Variants in JAKMIP2 observed in about 807,000 individuals in gnomAD.
JAKMIP2 encodes janus kinase and microtubule interacting protein 2.
In JAKMIP2, 25 loss-of-function variants were observed where a neutral mutation model predicts 115.0. The observed-to-expected ratio is 0.22, with a 90% CI of 0.16 to 0.30. JAKMIP2 has a LOEUF of 0.30. JAKMIP2 is among the 10% of genes least tolerant of loss of function. The probability of loss-of-function intolerance (pLI) is 1.00; values close to 1 mark genes in which losing one functional copy is unlikely to be tolerated. For synonymous variants in JAKMIP2, 334 were observed against 343.6 expected (o/e 0.97, Z 0.31); for missense variants, 642 against 957.6 (o/e 0.67, Z 4.35).
chr5:147,702,423 G>GAGGA (rs1278076799), intron 1 of JAKMIP2, among the ~76,000 whole-genome samples: 11 of 128,252 alleles, frequency 8.6e-5, no homozygotes, highest in South Asian at 2.8e-4. Context: ...AAGAAAGAAA[G>GAGGA]AGGAAGGAAG....
intron 1 of JAKMIP2, among the ~76,000 whole-genome samples, chr5:147,700,421 A>T (rs1283451928): frequency 1.3e-5 from 2 of 151,782 alleles, no homozygotes; most frequent in Non-Finnish European, 2.9e-5. Flanking sequence ...AATAGTAGGA[A>T]CAAAAAGACA....
At chr5:147,757,952 T>A (rs1754805471) in intron 1 of JAKMIP2, among the ~76,000 whole-genome samples, 1 of 152,152 alleles carries the variant, frequency 6.6e-6, no homozygotes, top group Admixed American at 6.5e-5. Context: ...TTGATTAACC[T>A]GATTTTGACT....
intron 1 of JAKMIP2, among the ~76,000 whole-genome samples, chr5:147,766,663 A>G: frequency 6.6e-6 from 1 of 152,184 alleles, no homozygotes; most frequent in South Asian, 2.1e-4. Flanking sequence ...CAACAGCAGT[A>G]CATGCCCTGA....
At chr5:147,679,919 G>A (rs1395731842) in intron 1 of JAKMIP2, among the ~76,000 whole-genome samples, 2 of 152,138 alleles carry the variant, frequency 1.3e-5, no homozygotes, top group African/African-American at 2.4e-5. Context: ...CATACACTAG[G>A]AGAGTGTATG....
At position 147,605,591 on chromosome 5, in the gene JAKMIP2, C is replaced by T. The variant is rs1755966808; in HGVS notation, c.2413-3780G>A. Among the ~76,000 whole-genome samples the T allele has an allele frequency of 2.0e-5, 3 of 152,236 alleles. No individual in the cohort carries two copies. In the South Asian group the frequency reaches 6.2e-4, roughly 32 times the overall value. ...GTCTTTGTTATTGTGAATAGTGCTG[C>T]AATAAACATACGTGTGCATAGGTCT... On this transcript the variant is annotated intron_variant, in intron 20 of 21. Transcript: ENST00000616793.
In JAKMIP2 at chr5:147,707,906, C is replaced by T. The variant is rs192968671; in HGVS notation, c.-148-35952G>A. 4.3e-3 allele frequency among the ~76,000 whole-genome samples: 658 copies of T among 152,288 alleles called. 8 individuals carry two copies. Among genetic ancestry groups the T allele is most frequent in the Non-Finnish European group, 6.8e-3 (464 of 68,026 alleles). On this transcript the variant is annotated intron_variant, in intron 1 of 21. Transcript: ENST00000616793. ...AATATAAGTGTTTTGAGGCAGGCTA[C>T]ATCAACTTGTCTGAACAAAGTCAGT...
intron 1 of JAKMIP2, among the ~76,000 whole-genome samples, chr5:147,695,253 C>G (rs1316790967): frequency 9.2e-5 from 14 of 152,058 alleles, no homozygotes; most frequent in Admixed American, 9.2e-4. Context: ...TAAAGAAAAG[C>G]CTATTTAGTA....
At chr5:147,734,532 A>G (rs1339067425) in intron 1 of JAKMIP2, among the ~76,000 whole-genome samples, 2 of 151,890 alleles carry the variant, frequency 1.3e-5, no homozygotes, top group Non-Finnish European at 2.9e-5. Context: ...GGACAGCATT[A>G]GGAGAAATAC....
At chr5:147,687,577 G>A (rs1385641237) in intron 1 of JAKMIP2, among the ~76,000 whole-genome samples, 3 of 152,172 alleles carry the variant, frequency 2.0e-5, no homozygotes, top group Admixed American at 2.0e-4. Context: ...AAGAATTATG[G>A]ATGTATCAAG....
chr5:147,781,377 T>C (rs1241800624), intron 1 of JAKMIP2, among the ~76,000 whole-genome samples: 1 of 152,204 alleles, frequency 6.6e-6, no homozygotes, highest in African/African-American at 2.4e-5. Flanking sequence ...ACCTTCCAGC[T>C]TAGCTGTGCT....
At chr5:147,643,760 C>T (rs1268245136) in intron 7 of JAKMIP2, among the ~76,000 whole-genome samples, 1 of 152,270 alleles carries the variant, frequency 6.6e-6, no homozygotes, top group Non-Finnish European at 1.5e-5. Flanking sequence ...AAGGCAGTTA[C>T]AAGACACACC....
chr5:147,764,630 G>A lies in JAKMIP2; in HGVS notation c.-149+17826C>T, dbSNP rs927750467. Among the ~76,000 whole-genome samples the A allele has an allele frequency of 3.3e-5, 5 of 151,866 alleles. No individual in the cohort carries two copies. The East Asian group carries it at 7.8e-4, about 24-fold the overall frequency. ...GCTAGGGGCAGTGGCTCACGACCCT[G>A]TAATCCCAGCAATTTGGGAGGCCAA... On this transcript the variant is annotated intron_variant, in intron 1 of 21. Transcript: ENST00000616793.
rs535920724 is a variant in JAKMIP2 at position 147,694,088 on chromosome 5, T to C, written c.-148-22134A>G. On this transcript the variant is annotated intron_variant, in intron 1 of 21. Transcript: ENST00000616793. Reference sequence around the variant, plus strand: ...AAGAGAGCCAATTAATATTTTTAAATTGGTATCAGAATAGCCAGGCTAGAA... The same window carrying C: ...AAGAGAGCCAATTAATATTTTTAAACTGGTATCAGAATAGCCAGGCTAGAA... Among the ~76,000 whole-genome samples the C allele has an allele frequency of 2.0e-5, 3 of 152,276 alleles. No homozygotes were observed. In the East Asian group the frequency reaches 5.8e-4, roughly 29 times the overall value.
At chr5:147,778,381 C>G (rs1166194527) in intron 1 of JAKMIP2, among the ~76,000 whole-genome samples, 1 of 151,910 alleles carries the variant, frequency 6.6e-6, no homozygotes, top group African/African-American at 2.4e-5. Flanking sequence ...GGCCAAAGAA[C>G]AAATTTTGGT....
chr5:147,775,716 G>C (rs1211928834), intron 1 of JAKMIP2, among the ~76,000 whole-genome samples: 1 of 152,274 alleles, frequency 6.6e-6, no homozygotes, highest in Middle Eastern at 3.4e-3. Context: ...GAGAATCACA[G>C]TTGAAAGAGC....
chr5:147,661,595 C>G (rs573989036), intron 2 of JAKMIP2, 150 bp from the exon 3 acceptor site: 26 of 717,842 alleles, frequency 3.6e-5, no homozygotes, highest in Admixed American at 5.7e-5. Context: ...GAACTACAGG[C>G]CTTGAAGCTG....
intron 14 of JAKMIP2, among the ~76,000 whole-genome samples, chr5:147,631,172 C>T (rs1430499947): frequency 6.6e-6 from 1 of 152,160 alleles, no homozygotes; most frequent in African/African-American, 2.4e-5. Flanking sequence ...CTTCATATGA[C>T]TCTGTTCTAA....
At chr5:147,778,422 C>G (rs1274421657) in intron 1 of JAKMIP2, among the ~76,000 whole-genome samples, 2 of 151,988 alleles carry the variant, frequency 1.3e-5, no homozygotes, top group Non-Finnish European at 2.9e-5. Flanking sequence ...ATGAGCCACA[C>G]AACACAGATT....
chr5:147,618,949 A>G (rs1021014060), intron 18 of JAKMIP2, among the ~76,000 whole-genome samples: 2 of 152,198 alleles, frequency 1.3e-5, no homozygotes, highest in Non-Finnish European at 2.9e-5. Flanking sequence ...AAATTGAGAA[A>G]TAAAATCCAA....
Sources: gnomAD v4.1 joint callset for allele counts (sites outside exome capture counted in the v4.1 genomes callset) on GRCh38, gnomAD v4.1.1 for gene constraint, MANE v1.5 for transcripts, NCBI Gene and HGNC (gene_info 2026-07-23, HGNC 2026-07-21) for gene names.